GRB14: variants seen among roughly 807,000 people sequenced by gnomAD.
GRB14 encodes growth factor receptor-bound protein 14.
GRB14 carries 38 observed loss-of-function variants against 69.1 expected under a neutral mutation model. The ratio of observed to expected loss-of-function variants is 0.55; its 90% CI spans 0.42 to 0.72. GRB14 has a LOEUF of 0.72. Ranked by LOEUF, GRB14 falls within the 30% of genes least tolerant of loss-of-function variation. The probability of loss-of-function intolerance (pLI) is 0.00; values close to 1 mark genes in which losing one functional copy is unlikely to be tolerated. For synonymous variants in GRB14, 247 were observed against 241.3 expected, an observed-to-expected ratio of 1.02 and a Z score of -0.22; for missense variants, 666 against 666.1, an observed-to-expected ratio of 1.00 and a Z score of 0.00.
chr2:164,514,763 A>C (rs1687434882), intron 6 of GRB14, among the ~76,000 whole-genome samples: 1 of 152,166 alleles, frequency 6.6e-6, no homozygotes, highest in South Asian at 2.1e-4. Flanking sequence ...AGGGAGGTGC[A>C]AAACCTGAAA....
rs546290558 is a variant in GRB14 at position 164,492,993 on chromosome 2, A to G, written c.*43T>C. Reference sequence around the variant, plus strand: ...TTATGGTCTTTTATTATTTTTCTTGAGTCCTTTTCCTTCAATAGTTTAATA... The same window carrying G: ...TTATGGTCTTTTATTATTTTTCTTGGGTCCTTTTCCTTCAATAGTTTAATA... On this transcript the variant is annotated 3_prime_UTR_variant, in exon 14 of 14. Transcript: ENST00000263915. 3.5e-5 allele frequency: 54 copies of G among 1,542,064 alleles called. No homozygotes were observed. In the South Asian group the frequency reaches 6.4e-4, roughly 18 times the overall value.
Position 164,508,838 on chromosome 2 carries a change from C to T in GRB14, c.831G>A (p.Leu277=). ...TKGTSKEPRH[L]QFFSEFGNSD... is the part of the protein sequence containing the mutation. Reference sequence around the variant, plus strand: ...TATTGCCAAATTCGCTGAAAAACTGCAAATGCCGCGGTTCCTTAAAAAAAA... The same window carrying T: ...TATTGCCAAATTCGCTGAAAAACTGTAAATGCCGCGGTTCCTTAAAAAAAA... Residue 277 remains leucine (L), a synonymous_variant, in exon 7 of 14, where the codon TTG becomes TTA. Transcript: ENST00000263915. 1 of 1,574,082 alleles carries T rather than the reference C, an allele frequency of 6.4e-7. No homozygotes were observed. The highest frequency in any genetic ancestry group is 8.6e-7 in the Non-Finnish European group (1 of 1,166,610).
chr2:164,596,108 G>A (rs1689777259), intron 2 of GRB14, among the ~76,000 whole-genome samples: 2 of 152,060 alleles, frequency 1.3e-5, no homozygotes, highest in African/African-American at 4.8e-5. Flanking sequence ...TGATGACAGA[G>A]GGAGACTCCG....
intron 2 of GRB14, among the ~76,000 whole-genome samples, chr2:164,605,995 G>A (rs1690031301): frequency 6.6e-6 from 1 of 152,016 alleles, no homozygotes; most frequent in South Asian, 2.1e-4. Flanking sequence ...GCCATCTCAG[G>A]GTAAGAATAT....
chr2:164,539,974 A>G (rs1688190335), intron 3 of GRB14: 1 of 152,092 alleles, frequency 6.6e-6, no homozygotes. Flanking sequence ...ACTAAATCAC[A>G]TCATATTCTT....
At chr2:164,508,683 A>C in intron 7 of GRB14, 59 bp downstream of exon 7, 3 of 1,470,082 alleles carry the variant, frequency 2.0e-6, no homozygotes, top group South Asian at 1.2e-5. Flanking sequence ...AAGGAAACTC[A>C]AGCTTACCTA....
intron 2 of GRB14, among the ~76,000 whole-genome samples, chr2:164,573,276 C>G (rs898142703): frequency 3.3e-5 from 5 of 152,156 alleles, no homozygotes; most frequent in Non-Finnish European, 7.3e-5. Flanking sequence ...ACACAGTAGG[C>G]CTTATGTTCA....
At chr2:164,522,588 G>A (rs1457353518) in intron 5 of GRB14, among the ~76,000 whole-genome samples, 2 of 152,060 alleles carry the variant, frequency 1.3e-5, no homozygotes, top group East Asian at 1.9e-4. Flanking sequence ...CTTCATTATG[G>A]TATAAGTAAG....
At chr2:164,538,626 A>G (rs761994853) in intron 3 of GRB14, among the ~76,000 whole-genome samples, 1 of 152,184 alleles carries the variant, frequency 6.6e-6, no homozygotes, top group Admixed American at 6.5e-5. Context: ...TTCATAACAA[A>G]ATCAAGATAT....
intron 3 of GRB14, among the ~76,000 whole-genome samples, chr2:164,532,369 T>C (rs1384330632): frequency 6.6e-6 from 1 of 152,238 alleles, no homozygotes. Context: ...TTCATTATTG[T>C]ATTTAATTCT....
Position 164,553,425 on chromosome 2 carries a change from G to GA in GRB14, c.325-5610dup, listed in dbSNP as rs1574301975. Among the ~76,000 whole-genome samples the GA allele has an allele frequency of 2.0e-5, 3 of 152,246 alleles. No homozygotes were observed. The East Asian group carries it at 5.8e-4, about 29-fold the overall frequency. ...TTAGAATGAATAAAACCTGCTGAGA[G>GA]AAAAATTTAATATTTTTGTTTGAAA... On this transcript the variant is annotated intron_variant, in intron 2 of 13. Coordinates refer to ENST00000263915, the MANE Select transcript of GRB14 (RefSeq NM_004490.3).
At chr2:164,498,039 T>C (rs905776296) in intron 9 of GRB14, among the ~76,000 whole-genome samples, 3 of 152,224 alleles carry the variant, frequency 2.0e-5, no homozygotes, top group Non-Finnish European at 4.4e-5. Flanking sequence ...TTATTTTTAA[T>C]GAGTTTTATA....
intron 3 of GRB14, among the ~76,000 whole-genome samples, chr2:164,531,572 A>G (rs1470768327): frequency 6.6e-6 from 1 of 152,190 alleles, no homozygotes; most frequent in African/African-American, 2.4e-5. Flanking sequence ...TTTGACAAAT[A>G]TAATTATTTA....
intron 12 of GRB14, among the ~76,000 whole-genome samples, chr2:164,495,784 T>C (rs1479731068): frequency 6.6e-6 from 1 of 152,206 alleles, no homozygotes; most frequent in Non-Finnish European, 1.5e-5. Flanking sequence ...GTAATTCTTT[T>C]CCCATTCCCA....
chr2:164,584,081 GTTCAAGCAATTCTCCTGCCTCAGTC>G (rs1472724107), intron 2 of GRB14, among the ~76,000 whole-genome samples: 2 of 149,738 alleles, frequency 1.3e-5, no homozygotes, highest in Non-Finnish European at 3.0e-5. Context: ...TACCTCGCAG[GTTCAAGCAATTCTCCTGCCTCAGTC>G]TTCCAAGCTG....
intron 12 of GRB14, 91 bp from the exon 13 acceptor site, chr2:164,494,615 A>C (rs1344783858): frequency 3.8e-6 from 3 of 790,918 alleles, no homozygotes; most frequent in South Asian, 1.4e-5. Flanking sequence ...GTGTATGCAT[A>C]AATGTAGCTG....
At chr2:164,579,634 GACATAC>G (rs1689346256) in intron 2 of GRB14, among the ~76,000 whole-genome samples, 2 of 152,124 alleles carry the variant, frequency 1.3e-5, no homozygotes, top group South Asian at 4.1e-4. Context: ...AACCCACATA[GACATAC>G]AGAGAAAGTG....
chr2:164,586,729 T>C (rs912503679), intron 2 of GRB14, among the ~76,000 whole-genome samples: 1 of 152,170 alleles, frequency 6.6e-6, no homozygotes, highest in African/African-American at 2.4e-5. Context: ...AGTCTATATT[T>C]AGATTCAAAT....
intron 2 of GRB14, among the ~76,000 whole-genome samples, chr2:164,584,325 T>G (rs1574333116): frequency 6.6e-6 from 1 of 151,804 alleles, no homozygotes; most frequent in Non-Finnish European, 1.5e-5. Flanking sequence ...TTAATTCAAT[T>G]TATTGGCTAT....
Sources: allele counts gnomAD v4.1 joint callset (sites outside exome capture counted in the v4.1 genomes callset), GRCh38; gene constraint gnomAD v4.1.1; transcripts MANE v1.5; gene names NCBI Gene and HGNC (gene_info 2026-07-23, HGNC 2026-07-21).